Variants in NUP62 observed in about 807,000 individuals in gnomAD.
The protein encoded by NUP62 is nuclear pore glycoprotein p62.
For synonymous variants in NUP62, 305 were observed against 303.4 expected (o/e 1.01, Z -0.05); for missense variants, 647 against 689.4 (o/e 0.94, Z 0.69).
At chr19:49,918,926 GATCACCTGA>G (rs2075696910) in intron 2 of NUP62, among the ~76,000 whole-genome samples, 1 of 149,138 alleles carries the variant, frequency 6.7e-6, no homozygotes, top group African/African-American at 2.5e-5. Context: ...TGGGGGGGCG[GATCACCTGA>G]GGTCGGGAGT....
chr19:49,908,874 C>A lies in NUP62; in HGVS notation c.934G>T (p.Ala312Ser). ...GCAGCTGCGCCAGGGCCAGGTGGAG[C>A]GGTCACGGCAGCTGCTGTATTGCTG... ...IPSNTAAAVT[A>S]PPGPGAAAGA... Residue 312 changes from alanine (A) to serine (S), a missense_variant, in exon 3 of 3, where the codon GCT (alanine) becomes TCT (serine). By Grantham distance (99) the Ala-to-Ser change is moderately conservative (BLOSUM62 1). Coordinates refer to ENST00000352066, the MANE Select transcript of NUP62 (RefSeq NM_016553.5). 6.2e-7 allele frequency: 1 copy of A among 1,610,662 alleles called. No individual in the cohort carries two copies. Among genetic ancestry groups the A allele is most frequent in the Non-Finnish European group, 8.5e-7 (1 of 1,179,574 alleles).
At chr19:49,917,311 C>T (rs2075650670) in intron 2 of NUP62, among the ~76,000 whole-genome samples, 1 of 152,250 alleles carries the variant, frequency 6.6e-6, no homozygotes, top group Non-Finnish European at 1.5e-5. Context: ...TCCATGAGTG[C>T]TAGTGCTGGG....
chr19:49,919,831 A>G, intron 2 of NUP62, among the ~76,000 whole-genome samples: 1 of 152,112 alleles, frequency 6.6e-6, no homozygotes, highest in East Asian at 1.9e-4. Flanking sequence ...AGATTTGAGG[A>G]ATACTCTGGT....
rs1424575225 is a variant in NUP62 at position 49,909,684 on chromosome 19, A to G, written c.124T>C (p.Phe42Leu). 7 of 1,612,800 alleles carry G rather than the reference A, an allele frequency of 4.3e-6. No homozygotes were observed. The highest frequency in any genetic ancestry group is 2.2e-5 in the East Asian group (1 of 44,862). ...GGTTGGAAGGGAGCCCCAAAATTAAACCCTCCAGTGCCAGAGGTGGAGAAA... is the reference window on the plus strand; with the variant it reads ...GGTTGGAAGGGAGCCCCAAAATTAAGCCCTCCAGTGCCAGAGGTGGAGAAA... ...FSFSTSGTGG[F>L]NFGAPFQPAT... The change falls in exon 3 of 3, where the codon TTT becomes CTT. Residue 42 changes from phenylalanine to leucine, a missense_variant. By Grantham distance (22) the Phe-to-Leu change is conservative. Coordinates refer to ENST00000352066, the MANE Select transcript of NUP62 (RefSeq NM_016553.5).
chr19:49,926,846 A>T (rs1381331789), intron 2 of NUP62, among the ~76,000 whole-genome samples: 2 of 140,992 alleles, frequency 1.4e-5, no homozygotes, highest in East Asian at 4.4e-4. Context: ...CAGCCCTAAG[A>T]AGTAGGTACT....
chr19:49,910,338 C>G lies in NUP62; in HGVS notation c.-77-454G>C, dbSNP rs115381968. On this transcript the variant is annotated intron_variant, in intron 2 of 2. Transcript: ENST00000352066. ...CCACCCTGAGGGCCTCTCTGGACCT[C>G]AGAGAGAGAGATGGGGCCGGGAACC... Among the ~76,000 whole-genome samples, 332 of 152,056 alleles carry G rather than the reference C, an allele frequency of 2.2e-3. 1 individual carries two copies. Among genetic ancestry groups the G allele is most frequent in the Non-Finnish European group, 2.9e-3 (195 of 67,982 alleles).
At chr19:49,926,856 T>A (rs1308800467) in intron 2 of NUP62, among the ~76,000 whole-genome samples, 1 of 7,990 alleles carries the variant, frequency 1.3e-4, no homozygotes, top group Non-Finnish European at 2.6e-4. Context: ...AAGTAGGTAC[T>A]TTTTTTTTTT....
At position 49,909,103 on chromosome 19, in the gene NUP62, A is replaced by G. The variant is rs779246513; in HGVS notation, c.705T>C (p.Thr235=). Reference sequence around the variant, plus strand: ...TCACAGGGGTACAGAGGGAGAGTCCAGTGGTGGCAGATGAGGTTGGAGCAG... The same window carrying G: ...TCACAGGGGTACAGAGGGAGAGTCCGGTGGTGGCAGATGAGGTTGGAGCAG... The part of the protein sequence containing the change: ...IATAPTSSAT[T]GLSLCTPVTT... Residue 235 remains threonine, a synonymous_variant, in exon 3 of 3, where the codon ACT becomes ACC. Coordinates refer to ENST00000352066, the MANE Select transcript of NUP62 (RefSeq NM_016553.5). 1.9e-6 allele frequency: 3 copies of G among 1,612,468 alleles called. No individual in the cohort carries two copies. The highest frequency in any genetic ancestry group is 2.5e-6 in the Non-Finnish European group (3 of 1,180,024).
At position 49,908,138 on chromosome 19, in the gene NUP62, C is replaced by T. The variant is rs11547267; in HGVS notation, c.*101G>A. 42 of 1,525,704 alleles carry T rather than the reference C, an allele frequency of 2.8e-5. No homozygotes were observed. In the East Asian group the frequency reaches 7.0e-4, roughly 25 times the overall value. The allele number at this position is 1,525,704 out of a possible 1,614,324, so 94.5% of individuals were successfully genotyped here. On this transcript the variant is annotated 3_prime_UTR_variant, in exon 3 of 3. Coordinates refer to ENST00000352066, the MANE Select transcript of NUP62 (RefSeq NM_016553.5). ...AGGGCAGTCATGTGAAAGAAAGAAACAAACAAACAAGTATCTTGCCACAAC... is the reference window on the plus strand; with the variant it reads ...AGGGCAGTCATGTGAAAGAAAGAAATAAACAAACAAGTATCTTGCCACAAC...
chr19:49,909,232 C>T lies in NUP62; in HGVS notation c.576G>A (p.Pro192=), dbSNP rs371666520. Residue 192 remains proline (P), a synonymous_variant, in exon 3 of 3, where the codon CCG becomes CCA. Coordinates refer to ENST00000352066, the MANE Select transcript of NUP62 (RefSeq NM_016553.5). The part of the protein sequence containing the change: ...PTAPATLPFT[P]ATPAATTAGA... ...CTGCTGTGGTGGCTGCTGGCGTGGC[C>T]GGAGTGAAGGGCAACGTGGCAGGTG... The T allele has an allele frequency of 1.9e-5, 30 of 1,613,938 alleles. No individual in the cohort carries two copies. The highest frequency in any genetic ancestry group is 1.6e-4 in the Middle Eastern group (1 of 6,082).
At chr19:49,918,685 G>T (rs1345099539) in intron 2 of NUP62, 1 of 152,224 alleles carries the variant, frequency 6.6e-6, no homozygotes, top group African/African-American at 2.4e-5. Flanking sequence ...CGGGGGAGAA[G>T]CTGTGATGGA....
In NUP62 at chr19:49,909,657, C is replaced by G. The variant is rs780441458; in HGVS notation, c.151G>C (p.Ala51Pro). Residue 51 changes from alanine (A) to proline (P), a missense_variant, in exon 3 of 3, where the codon GCC (alanine) becomes CCC (proline). By Grantham distance (27) the Ala-to-Pro change is conservative. Transcript: ENST00000352066. ...AGGCCGGTGGAAGGGGTACTTGTGG[C>G]TGGTTGGAAGGGAGCCCCAAAATTA... ...GFNFGAPFQP[A>P]TSTPSTGLFS... 10 of 1,614,010 alleles carry G rather than the reference C, an allele frequency of 6.2e-6. No homozygotes were observed.
rs778854417 is a variant in NUP62 at position 49,909,361 on chromosome 19, C to T, written c.447G>A (p.Val149=). 9.3e-6 allele frequency: 15 copies of T among 1,613,408 alleles called. No homozygotes were observed. The highest frequency in any genetic ancestry group is 1.7e-5 in the Admixed American group (1 of 59,946). ...AGCCTCCAGATGTGGTAGCTGGAGCCACAGAGGTGGTGGAGGGGCCAAACA... is the reference window on the plus strand; with the variant it reads ...AGCCTCCAGATGTGGTAGCTGGAGCTACAGAGGTGGTGGAGGGGCCAAACA... ...GFVFGPSTTS[V]APATTSGGFS... is the part of the protein sequence containing the mutation. The change falls in exon 3 of 3, where the codon GTG becomes GTA. Residue 149 remains valine, a synonymous_variant. Transcript: ENST00000352066.
At chr19:49,927,078 C>T (rs1023303050) in intron 2 of NUP62, among the ~76,000 whole-genome samples, 5 of 152,044 alleles carry the variant, frequency 3.3e-5, no homozygotes, top group Non-Finnish European at 5.9e-5. Context: ...CCAGGCTGGT[C>T]TCGAATTCCT....
Position 49,909,590 on chromosome 19 carries a change from C to G in NUP62, c.218G>C (p.Gly73Ala). 6.2e-7 allele frequency: 1 copy of G among 1,614,106 alleles called. No individual in the cohort carries two copies. Among genetic ancestry groups the G allele is most frequent in the Non-Finnish European group, 8.5e-7 (1 of 1,180,024 alleles). The change falls in exon 3 of 3, where the codon GGC (glycine) becomes GCC (alanine). Residue 73 changes from glycine (G) to alanine (A), a missense_variant. Transcript: ENST00000352066. ...ATQTPATQTT[G>A]FTFGTATLAS... ...AAGAGTCGCTGTTCCAAAAGTGAAG[C>G]CTGTCGTCTGTGTGGCCGGAGTCTG...
chr19:49,925,639 GC>G (rs1220921495), intron 2 of NUP62, among the ~76,000 whole-genome samples: 1 of 152,130 alleles, frequency 6.6e-6, no homozygotes, highest in Non-Finnish European at 1.5e-5. Flanking sequence ...GAGCCATGAT[GC>G]CTAAATATAA....
chr19:49,913,311 T>C (rs2075527569), intron 2 of NUP62, among the ~76,000 whole-genome samples: 1 of 152,226 alleles, frequency 6.6e-6, no homozygotes, highest in Non-Finnish European at 1.5e-5. Flanking sequence ...AAATGGCCCT[T>C]GACCAGCTCC....
chr19:49,924,220 C>T (rs990602564), intron 2 of NUP62, among the ~76,000 whole-genome samples: 20 of 152,154 alleles, frequency 1.3e-4, no homozygotes, highest in African/African-American at 4.8e-4. Context: ...GTGATTTTCA[C>T]AACCCCCCTT....
chr19:49,913,398 G>C (rs1427681246), intron 2 of NUP62, among the ~76,000 whole-genome samples: 2 of 152,126 alleles, frequency 1.3e-5, no homozygotes, highest in East Asian at 3.9e-4. Context: ...GGCCACTCTA[G>C]AGAGTCCATG....
Sources: gnomAD v4.1 joint callset for allele counts (sites outside exome capture counted in the v4.1 genomes callset) on GRCh38, gnomAD v4.1.1 for gene constraint, MANE v1.5 for transcripts, NCBI Gene and HGNC (gene_info 2026-07-23, HGNC 2026-07-21) for gene names.